GMCL1: variants seen among roughly 807,000 people sequenced by gnomAD.
GMCL1 encodes germ cell-less 1, spermatogenesis associated, also known as germ cell-less protein-like 1.
GMCL1 carries 54 observed loss-of-function variants against 75.5 expected under a neutral mutation model. The ratio of observed to expected loss-of-function variants is 0.71; its 90% CI spans 0.57 to 0.90. GMCL1 has a LOEUF of 0.90. Ranked by LOEUF, GMCL1 falls within the 40% of genes least tolerant of loss-of-function variation. The probability of loss-of-function intolerance (pLI) is 0.00; values close to 1 mark genes in which losing one functional copy is unlikely to be tolerated. For synonymous variants in GMCL1, 210 were observed against 209.6 expected, an observed-to-expected ratio of 1.00 and a Z score of -0.02; for missense variants, 537 against 622.7, an observed-to-expected ratio of 0.86 and a Z score of 1.47.
chr2:69,864,909 A>T lies in GMCL1; in HGVS notation c.1152A>T (p.Glu384Asp), dbSNP rs199902498. Residue 384 changes from glutamate (E) to aspartate (D), a missense_variant, in exon 11 of 14, where the codon GAA becomes GAT. Coordinates refer to ENST00000282570, the MANE Select transcript of GMCL1 (RefSeq NM_178439.5). ...TTATGTATATTTTTAGGCCTCAAGAAATCAATAAAGAAGAACTAGAGGGAA... is the reference window on the plus strand; with the variant it reads ...TTATGTATATTTTTAGGCCTCAAGATATCAATAAAGAAGAACTAGAGGGAA... Reference protein sequence around the residue: ...AEQDSEVGPQEINKEELEGNS... With the variant: ...AEQDSEVGPQDINKEELEGNS... The T allele has an allele frequency of 1.9e-6, 3 of 1,610,550 alleles. No homozygotes were observed. The highest frequency in any genetic ancestry group is 2.5e-6 in the Non-Finnish European group (3 of 1,177,140).
chr2:69,843,616 C>A (rs993201698), intron 5 of GMCL1, among the ~76,000 whole-genome samples: 1 of 152,076 alleles, frequency 6.6e-6, no homozygotes, highest in Non-Finnish European at 1.5e-5. Context: ...TAGGGAGACC[C>A]CATCTCTACA....
intron 13 of GMCL1, among the ~76,000 whole-genome samples, chr2:69,875,404 A>G (rs1044385685): frequency 7.9e-5 from 12 of 151,816 alleles, no homozygotes; most frequent in African/African-American, 2.9e-4. Flanking sequence ...GTTACGCAAA[A>G]CCACCTTCAT....
At chr2:69,863,330 A>C (rs1331708417) in intron 10 of GMCL1, among the ~76,000 whole-genome samples, 1 of 152,144 alleles carries the variant, frequency 6.6e-6, no homozygotes, top group Non-Finnish European at 1.5e-5. Context: ...CCTCTTAGGA[A>C]ATGTTCTGTT....
intron 9 of GMCL1, among the ~76,000 whole-genome samples, chr2:69,855,480 A>G (rs1185936572): frequency 2.6e-5 from 4 of 152,080 alleles, no homozygotes; most frequent in African/African-American, 4.8e-5. Flanking sequence ...TACTATATAT[A>G]CATATACAAA....
intron 12 of GMCL1, among the ~76,000 whole-genome samples, chr2:69,870,125 A>T (rs1003661471): frequency 1.4e-4 from 21 of 150,358 alleles, no homozygotes; most frequent in African/African-American, 4.7e-4. Context: ...CCTTGTTGCT[A>T]TTCCTAGCAA....
At position 69,841,066 on chromosome 2, in the gene GMCL1, G is replaced by C. The variant is rs919644262; in HGVS notation, c.579+27G>C. On this transcript the variant is annotated intron_variant, in intron 4 of 13. Coordinates refer to ENST00000282570, the MANE Select transcript of GMCL1 (RefSeq NM_178439.5). ...TAAGTATGCACGTTATTCGAAGAAA[G>C]GTTCAGAATAATAATCTTTGTCTCA... 5 of 1,511,506 alleles carry C rather than the reference G, an allele frequency of 3.3e-6. No homozygotes were observed. In the African/African-American group the frequency reaches 4.1e-5, roughly 12 times the overall value. 93.6% of individuals were successfully genotyped at this position (1,511,506 alleles called of 1,614,324 possible). A position where few individuals can be genotyped will look rare whatever the true frequency, so the allele number is the denominator to read the frequency against.
chr2:69,853,863 C>T (rs867551458), intron 8 of GMCL1, among the ~76,000 whole-genome samples: 7 of 151,546 alleles, frequency 4.6e-5, no homozygotes, highest in Middle Eastern at 3.4e-3. Flanking sequence ...AGTGCAGTGG[C>T]GCAATCTCAG....
At chr2:69,837,785 C>G in intron 2 of GMCL1, 115 bp downstream of exon 2, 8 of 1,201,686 alleles carry the variant, frequency 6.7e-6, no homozygotes, top group Non-Finnish European at 8.1e-6. Flanking sequence ...GTTAAATCCT[C>G]TCATTTGATC....
chr2:69,862,633 C>T (rs1675687310), intron 10 of GMCL1, among the ~76,000 whole-genome samples: 2 of 151,950 alleles, frequency 1.3e-5, no homozygotes, highest in Non-Finnish European at 1.5e-5. Context: ...GTAGCGCATG[C>T]CTGTAATCCC....
At chr2:69,833,963 C>T (rs1028061278) in intron 1 of GMCL1, among the ~76,000 whole-genome samples, 2 of 152,306 alleles carry the variant, frequency 1.3e-5, no homozygotes, top group African/African-American at 4.8e-5. Flanking sequence ...ATAAATCATA[C>T]TTGATGGGTC....
chr2:69,871,282 G>T (rs1364403959), intron 12 of GMCL1, among the ~76,000 whole-genome samples: 1 of 152,152 alleles, frequency 6.6e-6, no homozygotes, highest in Non-Finnish European at 1.5e-5. Context: ...CACAAATATT[G>T]TAAGATTCCA....
chr2:69,868,609 C>T (rs1450693547), intron 11 of GMCL1, among the ~76,000 whole-genome samples: 11 of 149,568 alleles, frequency 7.4e-5, no homozygotes, highest in Admixed American at 4.0e-4. Flanking sequence ...GATGGGGTTT[C>T]GCCATGTTGG....
intron 13 of GMCL1, among the ~76,000 whole-genome samples, chr2:69,877,856 C>T (rs955620238): frequency 2.0e-5 from 3 of 152,126 alleles, no homozygotes; most frequent in African/African-American, 7.2e-5. Flanking sequence ...CCTCTTCATG[C>T]AGGAATACAT....
At chr2:69,851,631 G>C (rs1015966468) in intron 8 of GMCL1, among the ~76,000 whole-genome samples, 90 of 151,932 alleles carry the variant, frequency 5.9e-4, no homozygotes, top group Non-Finnish European at 9.6e-4. Flanking sequence ...TTAGCAGGGC[G>C]TGGTGGCATG....
chr2:69,832,248 G>C (rs775621422), intron 1 of GMCL1, among the ~76,000 whole-genome samples: 87 of 151,960 alleles, frequency 5.7e-4, no homozygotes, highest in African/African-American at 2.1e-3. Flanking sequence ...CTGACTTCTT[G>C]TCTGTATTCT....
intron 1 of GMCL1, among the ~76,000 whole-genome samples, chr2:69,833,673 G>A (rs564843960): frequency 6.6e-6 from 1 of 152,316 alleles, no homozygotes; most frequent in Non-Finnish European, 1.5e-5. Flanking sequence ...AATTTTGTGT[G>A]TTGGCCCTAG....
At chr2:69,857,227 T>G (rs185233622) in intron 9 of GMCL1, among the ~76,000 whole-genome samples, 1 of 152,322 alleles carries the variant, frequency 6.6e-6, no homozygotes, top group East Asian at 1.9e-4. Flanking sequence ...GATTTCATGA[T>G]AGATCATGTT....
chr2:69,830,201 C>A (rs910228019), intron 1 of GMCL1, 49 bp downstream of exon 1: 10 of 1,522,846 alleles, frequency 6.6e-6, no homozygotes, highest in Admixed American at 2.1e-5. Context: ...ACCTGTTGGG[C>A]CTGGGGCCGA....
At chr2:69,851,394 A>G (rs1023226915) in intron 8 of GMCL1, among the ~76,000 whole-genome samples, 2 of 152,088 alleles carry the variant, frequency 1.3e-5, no homozygotes, top group African/African-American at 4.8e-5. Flanking sequence ...GGCAGATCAC[A>G]AGGTCAGGAG....
Sources: allele counts gnomAD v4.1 joint callset (sites outside exome capture counted in the v4.1 genomes callset), GRCh38; gene constraint gnomAD v4.1.1; transcripts MANE v1.5; gene names NCBI Gene and HGNC (gene_info 2026-07-23, HGNC 2026-07-21).